Variants in TNFRSF10A observed in about 807,000 individuals in gnomAD.
TNFRSF10A encodes the protein tumor necrosis factor receptor superfamily member 10A.
A neutral mutation model predicts 42.8 loss-of-function variants in TNFRSF10A; 44 were observed. That is an observed-to-expected ratio of 1.03 (90% CI 0.81 to 1.32). TNFRSF10A has a LOEUF of 1.32. Among genes scored for constraint, TNFRSF10A ranks in the 40% most tolerant of loss-of-function variants. TNFRSF10A has a pLI of 0.00. For synonymous variants in TNFRSF10A, 259 were observed against 234.2 expected (o/e 1.11, Z -0.97); for missense variants, 680 against 602.0 (o/e 1.13, Z -1.36).
At chr8:23,218,196 G>T (rs1187004224) in intron 1 of TNFRSF10A, among the ~76,000 whole-genome samples, 1 of 151,848 alleles carries the variant, frequency 6.6e-6, no homozygotes, top group Non-Finnish European at 1.5e-5. Flanking sequence ...GAGAAAGAGA[G>T]CAAGAGAGAG....
At chr8:23,214,840 G>A (rs1374573415) in intron 1 of TNFRSF10A, among the ~76,000 whole-genome samples, 1 of 152,256 alleles carries the variant, frequency 6.6e-6, no homozygotes, top group African/African-American at 2.4e-5. Flanking sequence ...GTTTAAAAAG[G>A]CACTTTACAA....
intron 9 of TNFRSF10A, among the ~76,000 whole-genome samples, chr8:23,193,796 T>TG (rs1278814406): frequency 1.3e-5 from 2 of 152,230 alleles, no homozygotes; most frequent in African/African-American, 2.4e-5. Flanking sequence ...TCTATGTGTT[T>TG]GCTAGAGTCA....
At chr8:23,217,768 C>T (rs751915184) in intron 1 of TNFRSF10A, among the ~76,000 whole-genome samples, 6 of 152,156 alleles carry the variant, frequency 3.9e-5, no homozygotes, top group Non-Finnish European at 5.9e-5. Flanking sequence ...CTGGTAGAAA[C>T]GCTGTGCAAG....
At chr8:23,215,488 A>T (rs910448912) in intron 1 of TNFRSF10A, among the ~76,000 whole-genome samples, 1 of 151,972 alleles carries the variant, frequency 6.6e-6, no homozygotes, top group Non-Finnish European at 1.5e-5. Flanking sequence ...GGCCTGCATG[A>T]CAGAGCGAGA....
intron 9 of TNFRSF10A, among the ~76,000 whole-genome samples, chr8:23,192,435 G>A (rs527377106): frequency 6.6e-6 from 1 of 152,334 alleles, no homozygotes; most frequent in South Asian, 2.1e-4. Flanking sequence ...TCTGTGGAAA[G>A]TGCAGGGTCT....
intron 9 of TNFRSF10A, among the ~76,000 whole-genome samples, chr8:23,195,282 T>A (rs1800807186): frequency 6.6e-6 from 1 of 152,224 alleles, no homozygotes; most frequent in Non-Finnish European, 1.5e-5. Flanking sequence ...TTCGTATGGC[T>A]TTTGTTGGTT....
intron 1 of TNFRSF10A, among the ~76,000 whole-genome samples, chr8:23,213,686 C>T (rs1174052700): frequency 1.3e-5 from 2 of 152,130 alleles, no homozygotes; most frequent in Middle Eastern, 3.4e-3. Flanking sequence ...CCTCGTGATC[C>T]GTCCACCTCG....
At chr8:23,217,482 C>T (rs1237886147) in intron 1 of TNFRSF10A, among the ~76,000 whole-genome samples, 1 of 152,136 alleles carries the variant, frequency 6.6e-6, no homozygotes. Flanking sequence ...TCCCGAAGTG[C>T]TGGGATTACA....
Position 23,202,738 on chromosome 8 carries a change from C to T in TNFRSF10A, c.427G>A (p.Gly143Arg), listed in dbSNP as rs1363547648. ...CCCTCTGTGCACCGGTTACAGGCTC[C>T]AGGATGTTCTGATCTATGAGATCCT... Reference protein sequence around the residue: ...PPGSHRSEHPGACNRCTEGVG... With the variant: ...PPGSHRSEHPRACNRCTEGVG... The change falls in exon 3 of 10, where the codon GGA (glycine) becomes AGA (arginine). Residue 143 changes from glycine (G) to arginine (R), a missense_variant. By Grantham distance (125) the Gly-to-Arg change is moderately radical. Transcript: ENST00000221132. 6.2e-7 allele frequency: 1 copy of T among 1,613,774 alleles called. No individual in the cohort carries two copies. The highest frequency in any genetic ancestry group is 2.2e-5 in the East Asian group (1 of 44,866).
chr8:23,198,216 A>G (rs3808530), intron 8 of TNFRSF10A, among the ~76,000 whole-genome samples: 30,532 of 152,024 alleles, frequency 0.2, 3,447 homozygotes, highest in South Asian at 0.34. Context: ...TGACTAGAAC[A>G]ATTCAGGGAG....
chr8:23,191,680 G>A lies in TNFRSF10A; in HGVS notation c.*14C>T, dbSNP rs1402113750. The stretch of plus-strand genomic sequence containing the variant: ...CCTAACACCTAAGAGGAAACCTCTG[G>A]TAAAAAGAGTCTTTCACTCCAAGGA... On this transcript the variant is annotated 3_prime_UTR_variant, in exon 10 of 10. Transcript: ENST00000221132. The A allele has an allele frequency of 6.2e-7, 1 of 1,606,332 alleles. No individual in the cohort carries two copies. Among genetic ancestry groups the A allele is most frequent in the African/African-American group, 1.3e-5 (1 of 74,566 alleles).
chr8:23,196,670 A>T (rs1210041878), intron 9 of TNFRSF10A, among the ~76,000 whole-genome samples: 1 of 152,230 alleles, frequency 6.6e-6, no homozygotes, highest in African/African-American at 2.4e-5. Flanking sequence ...ACCAAGACCT[A>T]GACCCAACAC....
chr8:23,200,777 AG>A lies in TNFRSF10A; in HGVS notation c.630-18del. On this transcript the variant is annotated intron_variant, in intron 4 of 9. Coordinates refer to ENST00000221132, the MANE Select transcript of TNFRSF10A (RefSeq NM_003844.4). The stretch of plus-strand genomic sequence containing the variant: ...CTGGGGCACCTGGGTACACACAGGG[AG>A]GGAGGGGGGGGACTCTTGATGGAAA... 1 of 680,836 alleles carries A rather than the reference AG, an allele frequency of 1.5e-6. No homozygotes were observed. The highest frequency in any genetic ancestry group is 2.6e-6 in the Non-Finnish European group (1 of 382,190). 42.2% of individuals were successfully genotyped at this position (680,836 alleles called of 1,614,324 possible). A position where few individuals can be genotyped will look rare whatever the true frequency, so the allele number is the denominator to read the frequency against.
intron 1 of TNFRSF10A, among the ~76,000 whole-genome samples, chr8:23,223,424 A>C (rs1234482597): frequency 6.6e-6 from 1 of 152,224 alleles, no homozygotes; most frequent in Non-Finnish European, 1.5e-5. Flanking sequence ...CACCAAATTC[A>C]GATGTTTCAC....
chr8:23,213,490 C>T (rs1202520142), intron 1 of TNFRSF10A, among the ~76,000 whole-genome samples: 2 of 120,916 alleles, frequency 1.7e-5, no homozygotes, highest in African/African-American at 6.3e-5. Context: ...CTCTGTTGCC[C>T]AGGCTGGAGT....
intron 9 of TNFRSF10A, among the ~76,000 whole-genome samples, chr8:23,194,636 G>A (rs1800798866): frequency 6.6e-6 from 1 of 152,030 alleles, no homozygotes. Context: ...GAAGCTCTTA[G>A]GTGAGCACCT....
chr8:23,199,609 G>A (rs549962195), intron 7 of TNFRSF10A, among the ~76,000 whole-genome samples, 161 bp from the exon 8 acceptor site: 4 of 152,310 alleles, frequency 2.6e-5, no homozygotes, highest in African/African-American at 9.6e-5. Flanking sequence ...CCAGGCCCTG[G>A]TGCTGGGCTT....
At chr8:23,199,206 C>T in intron 8 of TNFRSF10A, 60 bp downstream of exon 8, 1 of 1,569,074 alleles carries the variant, frequency 6.4e-7, no homozygotes, top group Admixed American at 1.7e-5. Context: ...ACCAGGAGAG[C>T]CGAGGCATGG....
chr8:23,211,483 G>A (rs1389022027), intron 2 of TNFRSF10A, among the ~76,000 whole-genome samples: 3 of 152,156 alleles, frequency 2.0e-5, no homozygotes, highest in African/African-American at 7.2e-5. Context: ...TCTAAACTGA[G>A]CAACAGGTGC....
Sources: gnomAD v4.1 joint callset for allele counts (sites outside exome capture counted in the v4.1 genomes callset) on GRCh38, gnomAD v4.1.1 for gene constraint, MANE v1.5 for transcripts, NCBI Gene and HGNC (gene_info 2026-07-23, HGNC 2026-07-21) for gene names.